ZNF704: variants seen among roughly 807,000 people sequenced by gnomAD.
The protein encoded by ZNF704 is glucocorticoid induced gene 1.
In ZNF704, 10 loss-of-function variants were observed where a neutral mutation model predicts 44.7. That is an observed-to-expected ratio of 0.22 (90% CI 0.14 to 0.38). The LOEUF is 0.38. ZNF704 is among the 10% of genes least tolerant of loss of function. ZNF704 has a pLI of 1.00. For synonymous variants in ZNF704, 211 were observed against 207.6 expected, an observed-to-expected ratio of 1.02 and a Z score of -0.14; for missense variants, 390 against 545.5, an observed-to-expected ratio of 0.71 and a Z score of 2.84.
Position 80,635,937 on chromosome 8 carries a change from T to G in ZNF704, c.*5429A>C, listed in dbSNP as rs1817657408. The G allele has an allele frequency of 6.6e-6, 1 of 152,216 alleles. No homozygotes were observed. Among genetic ancestry groups the G allele is most frequent in the Non-Finnish European group, 1.5e-5 (1 of 68,038 alleles). 9.4% of individuals were successfully genotyped at this position (152,216 alleles called of 1,614,324 possible). A position where few individuals can be genotyped will look rare whatever the true frequency, so the allele number is the denominator to read the frequency against. ...AGCCCTTTGTTTGGTGAGCAAGAAT[T>G]ACTTATAATATTAATACTTCCTGCC... On this transcript the variant is annotated 3_prime_UTR_variant, in exon 9 of 9. Coordinates refer to ENST00000327835, the MANE Select transcript of ZNF704 (RefSeq NM_001033723.3).
intron 1 of ZNF704, among the ~76,000 whole-genome samples, chr8:80,833,662 A>T (rs1417752039): frequency 6.6e-6 from 1 of 152,174 alleles, no homozygotes; most frequent in East Asian, 1.9e-4. Flanking sequence ...AAGTACATAC[A>T]TTATTTTTCT....
chr8:80,846,529 C>T (rs1459820493), intron 1 of ZNF704, among the ~76,000 whole-genome samples: 1 of 152,066 alleles, frequency 6.6e-6, no homozygotes, highest in East Asian at 1.9e-4. Context: ...AGTCAAGCAA[C>T]AGTCTTCCAT....
rs1818553693 is a variant in ZNF704, at chr8:80,687,269, G to A, written c.515C>T (p.Ala172Val). The A allele has an allele frequency of 1.2e-6, 2 of 1,613,192 alleles. No individual in the cohort carries two copies. Among genetic ancestry groups the A allele is most frequent in the Admixed American group, 1.7e-5 (1 of 60,028 alleles). The change falls in exon 4 of 9, where the codon GCC becomes GTC. Residue 172 changes from alanine (A) to valine (V), a missense_variant. Physicochemically the swap from Ala to Val is moderately conservative, Grantham distance 64. Coordinates refer to ENST00000327835, the MANE Select transcript of ZNF704 (RefSeq NM_001033723.3). ...GGGCTCGTCGAAGAGCAGGTTGCTGGCCTCCGCCTCGTCGATGCCGTCGTC... is the reference window on the plus strand; with the variant it reads ...GGGCTCGTCGAAGAGCAGGTTGCTGACCTCCGCCTCGTCGATGCCGTCGTC... ...QPDDGIDEAE[A>V]SNLLFDEPIP...
intron 2 of ZNF704, among the ~76,000 whole-genome samples, chr8:80,724,806 G>A (rs910384352): frequency 3.9e-5 from 6 of 152,028 alleles, no homozygotes; most frequent in Non-Finnish European, 7.4e-5. Flanking sequence ...CCCTCAAAAC[G>A]ATAACCCCTT....
intron 2 of ZNF704, among the ~76,000 whole-genome samples, chr8:80,743,583 G>A (rs1332944796): frequency 2.0e-5 from 3 of 152,148 alleles, no homozygotes; most frequent in Admixed American, 6.5e-5. Flanking sequence ...GCTGCCGCTC[G>A]GCACACCCTC....
intron 1 of ZNF704, among the ~76,000 whole-genome samples, chr8:80,824,011 C>T (rs1808325571): frequency 6.6e-6 from 1 of 152,156 alleles, no homozygotes. Flanking sequence ...AAAATCAGAG[C>T]ACCTCTTCTC....
chr8:80,867,471 A>C (rs189939887), intron 1 of ZNF704, among the ~76,000 whole-genome samples: 1 of 152,200 alleles, frequency 6.6e-6, no homozygotes, highest in Admixed American at 6.5e-5. Context: ...AAATCATGGC[A>C]GCAGCAAACT....
At chr8:80,698,545 G>A (rs898127783) in intron 2 of ZNF704, among the ~76,000 whole-genome samples, 2 of 152,188 alleles carry the variant, frequency 1.3e-5, no homozygotes, top group African/African-American at 4.8e-5. Flanking sequence ...GTGGAATGGG[G>A]TTGGGAGAGG....
rs532162421 is a variant in ZNF704 at position 80,691,573 on chromosome 8, C to T, written c.325+1431G>A. Among the ~76,000 whole-genome samples, 3 of 152,282 alleles carry T rather than the reference C, an allele frequency of 2.0e-5. No individual in the cohort carries two copies. In the East Asian group the frequency reaches 5.8e-4, roughly 29 times the overall value. ...TGCCAATCCCTTGCATGATGGTGAG[C>T]TTCACTGCTTCCTTCCTCGGCCATC... On this transcript the variant is annotated intron_variant, in intron 3 of 8. Coordinates refer to ENST00000327835, the MANE Select transcript of ZNF704 (RefSeq NM_001033723.3).
chr8:80,729,955 C>G (rs1806549872), intron 2 of ZNF704, among the ~76,000 whole-genome samples: 1 of 152,120 alleles, frequency 6.6e-6, no homozygotes, highest in Non-Finnish European at 1.5e-5. Context: ...GTGGCTTCTC[C>G]CGTGTGCTTG....
intron 2 of ZNF704, among the ~76,000 whole-genome samples, chr8:80,696,750 T>C (rs987266244): frequency 1.3e-5 from 2 of 152,204 alleles, no homozygotes; most frequent in African/African-American, 2.4e-5. Context: ...TTTGCATATA[T>C]ATAATGTAAG....
At chr8:80,742,173 C>T (rs1806770817) in intron 2 of ZNF704, among the ~76,000 whole-genome samples, 1 of 152,098 alleles carries the variant, frequency 6.6e-6, no homozygotes, top group Non-Finnish European at 1.5e-5. Context: ...AGAAGGGAAC[C>T]GCCAAGCGGA....
At chr8:80,713,081 G>C (rs2131661855) in intron 2 of ZNF704, among the ~76,000 whole-genome samples, 1 of 152,074 alleles carries the variant, frequency 6.6e-6, no homozygotes, top group Non-Finnish European at 1.5e-5. Context: ...ATTTTCAGTA[G>C]AGATGAGGTT....
At chr8:80,680,388 TTGTG>T (rs1215974374) in intron 4 of ZNF704, among the ~76,000 whole-genome samples, 1 of 151,758 alleles carries the variant, frequency 6.6e-6, no homozygotes, top group African/African-American at 2.4e-5. Flanking sequence ...GTATTGTGAC[TTGTG>T]TGTGTGGTTT....
chr8:80,644,016 G>GAGGC (rs768765431), intron 7 of ZNF704, among the ~76,000 whole-genome samples: 82 of 152,182 alleles, frequency 5.4e-4, no homozygotes, highest in Non-Finnish European at 1.1e-3. Flanking sequence ...ATAAAGGCAA[G>GAGGC]AGGCAGAGAG....
chr8:80,769,083 G>C lies in ZNF704; in HGVS notation c.221+52291C>G, dbSNP rs141227045. Among the ~76,000 whole-genome samples, 533 of 152,218 alleles carry C rather than the reference G, an allele frequency of 3.5e-3. 4 individuals are homozygous for C. The highest frequency in any genetic ancestry group is 0.012 in the African/African-American group (498 of 41,544). On this transcript the variant is annotated intron_variant, in intron 2 of 8. Coordinates refer to ENST00000327835, the MANE Select transcript of ZNF704 (RefSeq NM_001033723.3). The stretch of plus-strand genomic sequence containing the variant: ...TGGTATATGATTTTCTTTCCCAGCT[G>C]AGTTAGATGGTTCATGATGATGTTC...
chr8:80,648,426 A>G (rs1381247803), intron 7 of ZNF704, among the ~76,000 whole-genome samples: 1 of 152,196 alleles, frequency 6.6e-6, no homozygotes, highest in Non-Finnish European at 1.5e-5. Flanking sequence ...CAAGACAGTC[A>G]TGTTTCAGCT....
intron 2 of ZNF704, chr8:80,694,301 A>C (rs1392216853): frequency 1.3e-5 from 2 of 152,222 alleles, no homozygotes; most frequent in Non-Finnish European, 2.9e-5. Flanking sequence ...AATTTTGGCC[A>C]GTTAACCCTG....
At chr8:80,799,926 AC>A (rs1030848361) in intron 2 of ZNF704, among the ~76,000 whole-genome samples, 5 of 152,158 alleles carry the variant, frequency 3.3e-5, no homozygotes, top group Admixed American at 2.0e-4. Context: ...CATAAAAAAA[AC>A]AATACAGGAG....
Sources: gnomAD v4.1 joint callset for allele counts (sites outside exome capture counted in the v4.1 genomes callset) on GRCh38, gnomAD v4.1.1 for gene constraint, MANE v1.5 for transcripts, NCBI Gene and HGNC (gene_info 2026-07-23, HGNC 2026-07-21) for gene names.